Variants in RAB11B observed in about 807,000 individuals in gnomAD.
The protein encoded by RAB11B is ras-related protein Rab-11B.
A neutral mutation model predicts 23.7 loss-of-function variants in RAB11B; 7 were observed. That is an observed-to-expected ratio of 0.29 (90% CI 0.17 to 0.55). The LOEUF (loss-of-function observed/expected upper bound fraction) is 0.55. Ranked by LOEUF, RAB11B falls within the 20% of genes least tolerant of loss-of-function variation. The pLI, the probability that RAB11B is intolerant of heterozygous loss-of-function variation, is 0.93. For synonymous variants in RAB11B, 138 were observed against 132.0 expected, an observed-to-expected ratio of 1.05 and a Z score of -0.31; for missense variants, 189 against 320.0, an observed-to-expected ratio of 0.59 and a Z score of 3.12.
At position 8,403,423 on chromosome 19, in the gene RAB11B, C is replaced by T. The variant is rs758181301; in HGVS notation, c.522C>T (p.Arg174=). The change falls in exon 5 of 5, where the codon CGC becomes CGT. Residue 174 remains arginine, a synonymous_variant. Transcript: ENST00000328024. ...GTACCCCCTTTGCAGAGATCTACCG[C>T]ATCGTGTCACAGAAACAGATCGCAG... ...AFKNILTEIY[R]IVSQKQIADR... The T allele has an allele frequency of 5.6e-6, 9 of 1,613,438 alleles. No homozygotes were observed. Among genetic ancestry groups the T allele is most frequent in the Non-Finnish European group, 7.6e-6 (9 of 1,179,674 alleles).
intron 2 of RAB11B, among the ~76,000 whole-genome samples, chr19:8,401,464 C>T (rs557306433): frequency 9.7e-4 from 146 of 150,736 alleles, no homozygotes; most frequent in Admixed American, 1.8e-3. Flanking sequence ...CTGCAACCTC[C>T]GCCCCCCGCC....
intron 1 of RAB11B, among the ~76,000 whole-genome samples, chr19:8,391,955 G>A (rs556116342): frequency 6.7e-4 from 102 of 152,198 alleles, no homozygotes; most frequent in Non-Finnish European, 1.0e-3. Flanking sequence ...ACTGGTGGGT[G>A]AGGCTCTGTG....
intron 1 of RAB11B, among the ~76,000 whole-genome samples, chr19:8,392,594 A>G (rs1249501482): frequency 6.6e-6 from 1 of 151,076 alleles, no homozygotes; most frequent in African/African-American, 2.4e-5. Flanking sequence ...CTTTTCCCAA[A>G]CTGGTCATCT....
intron 4 of RAB11B, among the ~76,000 whole-genome samples, chr19:8,403,080 C>T (rs933257169): frequency 6.6e-6 from 1 of 152,226 alleles, no homozygotes; most frequent in Admixed American, 6.5e-5. Context: ...GACACAGAGA[C>T]CCCCTGGCCC....
chr19:8,396,458 C>T lies in RAB11B; in HGVS notation c.41-3405C>T, dbSNP rs747310786. ...ACAGGTGAGAGAGTGGCAAGAGTGA[C>T]GGAGGAAGAACTGGGTCCGGGAGCA... is the stretch of plus-strand genomic sequence containing the variant. On this transcript the variant is annotated intron_variant, in intron 1 of 4. Coordinates refer to ENST00000328024, the MANE Select transcript of RAB11B (RefSeq NM_004218.4). This position sits in a 1 kb window ranked among gnomAD's most constrained non-coding sequence, Gnocchi z 5.0. Among the ~76,000 whole-genome samples, 3 of 152,178 alleles carry T rather than the reference C, an allele frequency of 2.0e-5. No individual in the cohort carries two copies. The highest frequency in any genetic ancestry group is 4.4e-5 in the Non-Finnish European group (3 of 68,008).
rs1290426255 is a variant in RAB11B at position 8,402,190 on chromosome 19, A to G, written c.341A>G (p.Asp114Gly). Residue 114 changes from aspartate to glycine, a missense_variant, in exon 3 of 5, where the codon GAC becomes GGC. Around this residue, in one of 5 missense-constraint regions of RAB11B, gnomAD observed 122 missense variants for 170.8 expected, o/e 0.71. Coordinates refer to ENST00000328024, the MANE Select transcript of RAB11B (RefSeq NM_004218.4). ...RWLKELRDHA[D>G]SNIVIMLVGN... The stretch of plus-strand genomic sequence containing the variant: ...CTGAAGGAGCTGCGGGACCACGCAG[A>G]CAGCAACATCGTCATCATGCTGGTG... 6.3e-7 allele frequency: 1 copy of G among 1,595,286 alleles called. No individual in the cohort carries two copies. Among genetic ancestry groups the G allele is most frequent in the Non-Finnish European group, 8.5e-7 (1 of 1,171,026 alleles).
chr19:8,400,437 A>G (rs1385939629), intron 2 of RAB11B: 4 of 259,580 alleles, frequency 1.5e-5, no homozygotes, highest in East Asian at 8.7e-5. Flanking sequence ...CATTCCCTGC[A>G]AAGGCTTCCC....
chr19:8,397,713 G>A (rs935492595), intron 1 of RAB11B, among the ~76,000 whole-genome samples: 2 of 152,098 alleles, frequency 1.3e-5, no homozygotes, highest in Non-Finnish European at 2.9e-5. Context: ...GGGCAGAGGA[G>A]GGCTGCCTGG....
In RAB11B at chr19:8,402,462, CT is replaced by C. The variant is rs780445280; in HGVS notation, c.431-22del. ...CCTGTCACCCTGCCTCCCCACTCAC[CT>C]AGGCAGTATTCTTTGTTCCAGAAAA... On this transcript the variant is annotated intron_variant, in intron 3 of 4. Coordinates refer to ENST00000328024, the MANE Select transcript of RAB11B (RefSeq NM_004218.4). 6 of 1,607,310 alleles carry C rather than the reference CT, an allele frequency of 3.7e-6. No homozygotes were observed. In the East Asian group the frequency reaches 1.3e-4, roughly 36 times the overall value.
intron 3 of RAB11B, 69 bp downstream of exon 3, chr19:8,402,348 C>T: frequency 6.6e-7 from 1 of 1,526,592 alleles, no homozygotes; most frequent in South Asian, 1.2e-5. Flanking sequence ...AGTGTTGGGG[C>T]CCTGGCCACA....
intron 4 of RAB11B, 85 bp from the exon 5 acceptor site, chr19:8,403,326 GCC>G (rs1971452754): frequency 6.6e-7 from 1 of 1,511,106 alleles, no homozygotes. Flanking sequence ...TCTGGAGAGG[GCC>G]TCTGGAGTCC....
intron 2 of RAB11B, chr19:8,400,396 G>A (rs987946559): frequency 1.1e-4 from 36 of 342,226 alleles, no homozygotes; most frequent in Admixed American, 2.4e-4. Context: ...GGTCCCACAC[G>A]CCTCCTGTCC....
At chr19:8,400,990 C>G (rs1196901792) in intron 2 of RAB11B, among the ~76,000 whole-genome samples, 1 of 152,204 alleles carries the variant, frequency 6.6e-6, no homozygotes, top group Non-Finnish European at 1.5e-5. Flanking sequence ...CTCCCAGGCT[C>G]AAGCGATTCT....
In RAB11B at chr19:8,396,856, G is replaced by A. The variant is rs1343769742; in HGVS notation, c.41-3007G>A. Among the ~76,000 whole-genome samples, 1 of 152,166 alleles carries A rather than the reference G, an allele frequency of 6.6e-6. No individual in the cohort carries two copies. The highest frequency in any genetic ancestry group is 2.1e-4 in the South Asian group (1 of 4,828). On this transcript the variant is annotated intron_variant, in intron 1 of 4. Transcript: ENST00000328024. The surrounding 1 kb of genome is among the most constrained non-coding windows in gnomAD (Gnocchi z 5.0). ...GGCTCGGCACTCACGGGCGCTCTCT[G>A]GTGGCTGCTGCAGGAGGACAGCGTT...
Position 8,399,985 on chromosome 19 carries a change from G to C in RAB11B, c.163G>C (p.Val55Leu), listed in dbSNP as rs754448304. Residue 55 changes from valine (V) to leucine (L), a missense_variant, in exon 2 of 5, where the codon GTG (valine) becomes CTG (leucine). Physicochemically the swap from Val to Leu is conservative, Grantham distance 32. Transcript: ENST00000328024. ...GGAGTTCGCCACCCGCAGCATCCAGGTGGACGGCAAGACCATCAAGGCGCA... is the reference window on the plus strand; with the variant it reads ...GGAGTTCGCCACCCGCAGCATCCAGCTGGACGGCAAGACCATCAAGGCGCA... ...GVEFATRSIQVDGKTIKAQIW... is the reference protein window; with the variant it reads ...GVEFATRSIQLDGKTIKAQIW... 1 of 1,614,204 alleles carries C rather than the reference G, an allele frequency of 6.2e-7. No individual in the cohort carries two copies. Among genetic ancestry groups the C allele is most frequent in the Non-Finnish European group, 8.5e-7 (1 of 1,180,008 alleles).
intron 1 of RAB11B, among the ~76,000 whole-genome samples, chr19:8,397,939 C>G (rs537666741): frequency 6.6e-6 from 1 of 152,282 alleles, no homozygotes; most frequent in African/African-American, 2.4e-5. Context: ...CCAACCCACC[C>G]TCAGGTGCCG....
chr19:8,401,407 C>T (rs961319148), intron 2 of RAB11B, among the ~76,000 whole-genome samples: 2 of 150,278 alleles, frequency 1.3e-5, no homozygotes, highest in African/African-American at 4.9e-5. Context: ...GAGATAGAGT[C>T]TCACTCTGTC....
At chr19:8,395,490 CCGCCTGCCT>C (rs558669444) in intron 1 of RAB11B, among the ~76,000 whole-genome samples, 174 of 152,240 alleles carry the variant, frequency 1.1e-3, no homozygotes, top group African/African-American at 4.0e-3. Flanking sequence ...CTCAAATGAT[CCGCCTGCCT>C]CGGCCTCCCC....
chr19:8,392,993 T>TG, intron 1 of RAB11B, among the ~76,000 whole-genome samples: 1 of 9,274 alleles, frequency 1.1e-4, no homozygotes, highest in East Asian at 4.5e-4. Context: ...GCCTCTGCAT[T>TG]TTTTTTTTTT....
Sources: gnomAD v4.1 joint callset for allele counts (sites outside exome capture counted in the v4.1 genomes callset) on GRCh38, gnomAD v4.1.1 for gene constraint, gnomAD v4.1.1 regional missense constraint, Gnocchi (gnomAD v3.1) non-coding constraint, MANE v1.5 for transcripts, NCBI Gene and HGNC (gene_info 2026-07-23, HGNC 2026-07-21) for gene names.